The following AGBL4 variants were observed in gnomAD, a reference collection of about 807,000 sequenced individuals.
AGBL4 encodes AGBL carboxypeptidase 4.
AGBL4 carries 58 observed loss-of-function variants against 66.4 expected under a neutral mutation model. The ratio of observed to expected loss-of-function variants is 0.87; its 90% CI spans 0.71 to 1.09. The LOEUF is 1.09. AGBL4 is among the 50% of genes least tolerant of loss of function. The probability of loss-of-function intolerance (pLI) is 0.00; values close to 1 mark genes in which losing one functional copy is unlikely to be tolerated. For synonymous variants in AGBL4, 234 were observed against 222.9 expected (o/e 1.05, Z -0.44); for missense variants, 579 against 631.0 (o/e 0.92, Z 0.88).
intron 2 of AGBL4, among the ~76,000 whole-genome samples, chr1:49,754,098 G>A (rs1368108847): frequency 3.9e-5 from 6 of 152,094 alleles, no homozygotes; most frequent in South Asian, 4.2e-4. Flanking sequence ...CCCTCTGTAC[G>A]GTTTTGTTCT....
intron 4 of AGBL4, among the ~76,000 whole-genome samples, chr1:49,122,932 C>G (rs1015708522): frequency 6.6e-6 from 1 of 152,158 alleles, no homozygotes; most frequent in African/African-American, 2.4e-5. Context: ...CGGCTCACTG[C>G]AACCTCCGCC....
intron 5 of AGBL4, 55 bp downstream of exon 5, chr1:49,045,529 T>C: frequency 6.6e-7 from 1 of 1,505,836 alleles, no homozygotes; most frequent in Non-Finnish European, 9.1e-7. Context: ...GTTAAGTCCC[T>C]ATCCCAAGTT....
At chr1:49,498,334 T>C (rs573296103) in intron 3 of AGBL4, among the ~76,000 whole-genome samples, 1 of 152,056 alleles carries the variant, frequency 6.6e-6, no homozygotes, top group South Asian at 2.1e-4. Flanking sequence ...CTTCTCCCTT[T>C]CCTATATGAA....
chr1:49,789,284 ATATTG>A (rs2147924120), intron 2 of AGBL4, among the ~76,000 whole-genome samples: 1 of 152,216 alleles, frequency 6.6e-6, no homozygotes, highest in Admixed American at 6.5e-5. Context: ...TTCATCAGGG[ATATTG>A]GACTGAAGTT....
chr1:49,935,076 G>A (rs1319260445), intron 1 of AGBL4, among the ~76,000 whole-genome samples: 1 of 152,224 alleles, frequency 6.6e-6, no homozygotes, highest in Non-Finnish European at 1.5e-5. Context: ...TTCCCTTTCT[G>A]AGTCAAAGAA....
chr1:49,704,137 C>T (rs918016268), intron 2 of AGBL4, among the ~76,000 whole-genome samples: 1 of 152,038 alleles, frequency 6.6e-6, no homozygotes, highest in African/African-American at 2.4e-5. Context: ...GAACCACAAT[C>T]AAATTCTGGA....
intron 5 of AGBL4, among the ~76,000 whole-genome samples, chr1:48,903,673 A>G (rs1652307480): frequency 6.6e-6 from 1 of 151,910 alleles, no homozygotes; most frequent in Admixed American, 6.5e-5. Flanking sequence ...TTCCTTCCTC[A>G]CACATTGTTT....
intron 4 of AGBL4, among the ~76,000 whole-genome samples, chr1:49,203,948 A>G (rs1348484245): frequency 2.0e-5 from 3 of 152,224 alleles, no homozygotes. Flanking sequence ...TTGTCACACT[A>G]AAGATTTTTT....
At chr1:49,026,376 G>A (rs564149423) in intron 5 of AGBL4, among the ~76,000 whole-genome samples, 1 of 152,094 alleles carries the variant, frequency 6.6e-6, no homozygotes. Context: ...AGCTCAAGGA[G>A]CAACCAATTT....
chr1:48,969,501 C>T (rs1350688621), intron 5 of AGBL4, among the ~76,000 whole-genome samples: 1 of 151,854 alleles, frequency 6.6e-6, no homozygotes, highest in Non-Finnish European at 1.5e-5. Flanking sequence ...TCTATTTGTC[C>T]CACAGAGATT....
chr1:48,607,073 T>C (rs1645164748), intron 9 of AGBL4, among the ~76,000 whole-genome samples: 1 of 152,174 alleles, frequency 6.6e-6, no homozygotes, highest in Non-Finnish European at 1.5e-5. Context: ...AGCTAGTGCA[T>C]GTCCAAGTGC....
chr1:49,161,049 G>C (rs1416645208), intron 4 of AGBL4, among the ~76,000 whole-genome samples: 1 of 152,110 alleles, frequency 6.6e-6, no homozygotes, highest in Admixed American at 6.5e-5. Flanking sequence ...CCCCTTTCCA[G>C]GGGAGTGAAC....
At chr1:48,827,520 C>CA (rs1646452134) in intron 6 of AGBL4, among the ~76,000 whole-genome samples, 1 of 152,188 alleles carries the variant, frequency 6.6e-6, no homozygotes, top group African/African-American at 2.4e-5. Flanking sequence ...CCACCATCCA[C>CA]ACTGCTATCG....
intron 3 of AGBL4, among the ~76,000 whole-genome samples, chr1:49,568,748 A>G (rs763832895): frequency 1.1e-4 from 17 of 152,214 alleles, no homozygotes; most frequent in Admixed American, 4.6e-4. Flanking sequence ...ATGCTACCTG[A>G]CCTCAAACTA....
chr1:49,257,913 C>A (rs527943818), intron 3 of AGBL4, among the ~76,000 whole-genome samples: 12 of 152,284 alleles, frequency 7.9e-5, no homozygotes, highest in East Asian at 7.7e-4. Context: ...AGGCACCCCC[C>A]AGTAGGGGCA....
intron 4 of AGBL4, among the ~76,000 whole-genome samples, chr1:49,137,732 T>C (rs772065259): frequency 1.3e-5 from 2 of 152,052 alleles, no homozygotes; most frequent in Non-Finnish European, 2.9e-5. Context: ...AATAAGAGAA[T>C]AACACAGAAT....
At chr1:49,087,232 C>T (rs189370789) in intron 4 of AGBL4, among the ~76,000 whole-genome samples, 76 of 152,106 alleles carry the variant, frequency 5.0e-4, no homozygotes, top group Non-Finnish European at 8.7e-4. Context: ...TGGTTCTTAA[C>T]GAGGCTGAAA....
In AGBL4 at chr1:49,401,982, C is replaced by T. The variant is rs778199053; in HGVS notation, c.283-156118G>A. 4.6e-4 allele frequency among the ~76,000 whole-genome samples: 70 copies of T among 152,164 alleles called. 1 individual carries two copies. In the Middle Eastern group the frequency reaches 0.014, roughly 30 times the overall value. On this transcript the variant is annotated intron_variant, in intron 3 of 13. Transcript: ENST00000371839. ...ATTAGCATATAGTTGCACATAGTAG[C>T]CACCAGTGATCCTTTGAATTTGTGT... is the stretch of plus-strand genomic sequence containing the variant.
At chr1:49,475,909 T>G (rs1570809147) in intron 3 of AGBL4, among the ~76,000 whole-genome samples, 1 of 152,230 alleles carries the variant, frequency 6.6e-6, no homozygotes, top group Non-Finnish European at 1.5e-5. Context: ...TGTATAATTT[T>G]GGGAGTCTCA....
Sources: gnomAD v4.1 joint callset for allele counts (sites outside exome capture counted in the v4.1 genomes callset) on GRCh38, gnomAD v4.1.1 for gene constraint, MANE v1.5 for transcripts, NCBI Gene and HGNC (gene_info 2026-07-23, HGNC 2026-07-21) for gene names.